EPS15L1: variants seen among roughly 807,000 people sequenced by gnomAD.
The protein encoded by EPS15L1 is epidermal growth factor receptor pathway substrate 15 like 1, also known as epidermal growth factor receptor substrate 15-like 1.
Under a neutral mutation model 117.1 loss-of-function variants are expected in EPS15L1, and 43 were observed. The observed-to-expected ratio is 0.37, with a 90% CI of 0.29 to 0.47. The LOEUF (loss-of-function observed/expected upper bound fraction) is 0.47. EPS15L1 is among the 20% of genes least tolerant of loss of function. EPS15L1 has a pLI of 0.99. For missense variants in EPS15L1, 981 were observed against 1,164.0 expected (o/e 0.84, Z 2.29); for synonymous variants, 459 against 470.5 (o/e 0.98, Z 0.32).
chr19:16,395,691 C>G (rs1456865387), intron 16 of EPS15L1, among the ~76,000 whole-genome samples: 1 of 152,126 alleles, frequency 6.6e-6, no homozygotes, highest in African/African-American at 2.4e-5. Flanking sequence ...CGCCTGTAAT[C>G]CCAGCACTTT....
At chr19:16,400,461 G>C (rs1387096578) in intron 16 of EPS15L1, among the ~76,000 whole-genome samples, 1 of 151,630 alleles carries the variant, frequency 6.6e-6, no homozygotes, top group East Asian at 1.9e-4. Flanking sequence ...GGAAGTTCCA[G>C]ATGTACCACT....
intron 15 of EPS15L1, among the ~76,000 whole-genome samples, chr19:16,402,885 A>G (rs1276511499): frequency 1.3e-5 from 2 of 152,154 alleles, no homozygotes; most frequent in Non-Finnish European, 2.9e-5. Flanking sequence ...GCACTGCGCA[A>G]AGCAACATAT....
chr19:16,436,898 G>C lies in EPS15L1; in HGVS notation c.372+39C>G, dbSNP rs1285319113. ...AACAACTGCTGGAACAATTCTATCT[G>C]AAGGAGAGCCAAGGAGGGAGCTATT... On this transcript the variant is annotated intron_variant, in intron 6 of 23. Transcript: ENST00000455140. 3 of 1,510,522 alleles carry C rather than the reference G, an allele frequency of 2.0e-6. No homozygotes were observed. In the African/African-American group the frequency reaches 4.1e-5, roughly 21 times the overall value. 93.6% of individuals were successfully genotyped at this position (1,510,522 alleles called of 1,614,324 possible). A position where few individuals can be genotyped will look rare whatever the true frequency, so the allele number is the denominator to read the frequency against.
chr19:16,455,693 G>A (rs910818553), intron 1 of EPS15L1, among the ~76,000 whole-genome samples: 3 of 152,202 alleles, frequency 2.0e-5, no homozygotes, highest in Non-Finnish European at 4.4e-5. Context: ...GGGGCAGGAC[G>A]AGCAGCCTCT....
At chr19:16,374,862 C>T (rs993345524) in intron 22 of EPS15L1, among the ~76,000 whole-genome samples, 13 of 152,184 alleles carry the variant, frequency 8.5e-5, no homozygotes, top group South Asian at 2.1e-4. Context: ...TGAGCACACA[C>T]GCACGCATAT....
chr19:16,467,798 G>C (rs1211695594), intron 1 of EPS15L1, among the ~76,000 whole-genome samples: 1 of 152,198 alleles, frequency 6.6e-6, no homozygotes, highest in Non-Finnish European at 1.5e-5. Flanking sequence ...TGCCCAGCAG[G>C]CCATCTGGAA....
At chr19:16,448,761 C>T (rs903833050) in intron 1 of EPS15L1, among the ~76,000 whole-genome samples, 2 of 151,690 alleles carry the variant, frequency 1.3e-5, no homozygotes, top group African/African-American at 2.4e-5. Context: ...ACCCAGCGGG[C>T]AGAGGCTGCA....
At chr19:16,367,623 G>A (rs1486862503) in intron 22 of EPS15L1, among the ~76,000 whole-genome samples, 1 of 151,624 alleles carries the variant, frequency 6.6e-6, no homozygotes, top group African/African-American at 2.4e-5. Context: ...CCCGGGATCG[G>A]GGCTGTGATG....
intron 22 of EPS15L1, among the ~76,000 whole-genome samples, chr19:16,364,600 T>A (rs1305767959): frequency 6.6e-6 from 1 of 152,182 alleles, no homozygotes; most frequent in African/African-American, 2.4e-5. Context: ...GGGCCACTCC[T>A]GGTCCCAGGC....
intron 22 of EPS15L1, among the ~76,000 whole-genome samples, chr19:16,362,496 G>T (rs1599520154): frequency 6.9e-6 from 1 of 145,062 alleles, no homozygotes; most frequent in Non-Finnish European, 1.5e-5. Context: ...GCTCTGCCAT[G>T]CTGAGGTTTA....
At chr19:16,403,982 T>G in intron 14 of EPS15L1, 52 bp from the exon 15 acceptor site, 1 of 1,512,514 alleles carries the variant, frequency 6.6e-7, no homozygotes, top group Non-Finnish European at 9.1e-7. Context: ...CAGGATGAAA[T>G]GGGACTCCGA....
chr19:16,428,842 T>A, intron 7 of EPS15L1, 81 bp from the exon 8 acceptor site: 1 of 1,128,284 alleles, frequency 8.9e-7, no homozygotes, highest in Non-Finnish European at 1.3e-6. Context: ...ACTCAGACTC[T>A]CAGCCGTGGC....
In EPS15L1 at chr19:16,404,011, C is replaced by T. The variant is rs2092629778; in HGVS notation, c.1429-81G>A. 3.0e-6 allele frequency: 4 copies of T among 1,342,502 alleles called. No individual in the cohort carries two copies. Among genetic ancestry groups the T allele is most frequent in the Non-Finnish European group, 4.1e-6 (4 of 967,012 alleles). 83.2% of individuals were successfully genotyped at this position (1,342,502 alleles called of 1,614,324 possible). On this transcript the variant is annotated intron_variant, in intron 14 of 23. Transcript: ENST00000455140. This position sits in a 1 kb window ranked among gnomAD's most constrained non-coding sequence, Gnocchi z 4.2. ...ACTCCGAGAAAGAACTCTTAGCCCC[C>T]ATCCCCGAAACAAGCTAAGCCAGGG...
intron 16 of EPS15L1, chr19:16,400,591 T>C (rs1202051935): frequency 2.1e-6 from 2 of 964,990 alleles, no homozygotes; most frequent in Admixed American, 6.2e-5. Flanking sequence ...CAAAAATCTC[T>C]CTTCCAAGTA....
At chr19:16,382,660 T>A (rs1044242502) in intron 21 of EPS15L1, among the ~76,000 whole-genome samples, 1 of 151,482 alleles carries the variant, frequency 6.6e-6, no homozygotes, top group African/African-American at 2.4e-5. Flanking sequence ...GTGAAATAAG[T>A]TGGACTCTTG....
At chr19:16,420,967 C>T (rs543550655) in intron 10 of EPS15L1, among the ~76,000 whole-genome samples, 6 of 152,352 alleles carry the variant, frequency 3.9e-5, no homozygotes, top group South Asian at 2.1e-4. Context: ...CCCTGCTGCC[C>T]GCACCTCCCG....
chr19:16,432,057 TA>T (rs749374719), intron 7 of EPS15L1, among the ~76,000 whole-genome samples: 33 of 152,218 alleles, frequency 2.2e-4, no homozygotes, highest in Non-Finnish European at 3.5e-4. Context: ...CGGTGTATGA[TA>T]GGGGCCCTGG....
At chr19:16,393,557 G>A (rs1376097477) in intron 18 of EPS15L1, among the ~76,000 whole-genome samples, 4 of 150,834 alleles carry the variant, frequency 2.7e-5, no homozygotes, top group Non-Finnish European at 5.9e-5. Context: ...GCTGAGGCAG[G>A]AGAATGGCGT....
Position 16,386,161 on chromosome 19 carries a change from T to C in EPS15L1, c.2164+10A>G. ...AATAGTCAGGAAGAAAAATAAGTCA[T>C]GGGTCTCACCTGATCCTTTTGAGGA... is the stretch of plus-strand genomic sequence containing the variant. On this transcript the variant is annotated intron_variant, in intron 20 of 23. Transcript: ENST00000455140. 1.2e-6 allele frequency: 2 copies of C among 1,604,396 alleles called. No homozygotes were observed. The highest frequency in any genetic ancestry group is 1.7e-6 in the Non-Finnish European group (2 of 1,171,674).
Sources: gnomAD v4.1 joint callset for allele counts (sites outside exome capture counted in the v4.1 genomes callset) on GRCh38, gnomAD v4.1.1 for gene constraint, Gnocchi (gnomAD v3.1) non-coding constraint, MANE v1.5 for transcripts, NCBI Gene and HGNC (gene_info 2026-07-23, HGNC 2026-07-21) for gene names.